The following PXDNL variants were observed in gnomAD, a reference collection of about 807,000 sequenced individuals.
The protein encoded by PXDNL is probable oxidoreductase PXDNL.
PXDNL carries 145 observed loss-of-function variants against 150.8 expected under a neutral mutation model. The observed-to-expected ratio is 0.96, with a 90% CI of 0.84 to 1.10. PXDNL has a LOEUF of 1.10. PXDNL is among the 50% of genes least tolerant of loss of function. PXDNL has a pLI of 0.00. For missense variants in PXDNL, 2,087 were observed against 1,873.9 expected, an observed-to-expected ratio of 1.11 and a Z score of -2.10; for synonymous variants, 757 against 725.7, an observed-to-expected ratio of 1.04 and a Z score of -0.69.
intron 17 of PXDNL, among the ~76,000 whole-genome samples, chr8:51,399,078 G>A (rs568578542): frequency 6.6e-6 from 1 of 152,186 alleles, no homozygotes; most frequent in East Asian, 1.9e-4. Flanking sequence ...CCAACCAGAA[G>A]AACAGACAGG....
Position 51,579,137 on chromosome 8 carries a change from C to A in PXDNL, c.308+13490G>T, listed in dbSNP as rs566221332. On this transcript the variant is annotated intron_variant, in intron 3 of 22. Transcript: ENST00000356297. ...CTTCATCAAAATGAAAACACCTGCT[C>A]TTCAAAAGACCCTGTTAAGAAGACT... is the stretch of plus-strand genomic sequence containing the variant. Among the ~76,000 whole-genome samples, 3 of 152,108 alleles carry A rather than the reference C, an allele frequency of 2.0e-5. No homozygotes were observed. The South Asian group carries it at 6.2e-4, about 32-fold the overall frequency.
chr8:51,569,842 A>C (rs1180274372), intron 3 of PXDNL, among the ~76,000 whole-genome samples: 1 of 152,008 alleles, frequency 6.6e-6, no homozygotes, highest in East Asian at 1.9e-4. Flanking sequence ...TCAGAGATAC[A>C]CGGGCATGAA....
At chr8:51,405,949 T>C (rs1191200385) in intron 17 of PXDNL, among the ~76,000 whole-genome samples, 1 of 152,162 alleles carries the variant, frequency 6.6e-6, no homozygotes. Flanking sequence ...CAATATCCCA[T>C]AGGCATGAAA....
intron 3 of PXDNL, among the ~76,000 whole-genome samples, chr8:51,592,159 A>G (rs1433021390): frequency 1.3e-5 from 2 of 152,158 alleles, no homozygotes; most frequent in Non-Finnish European, 2.9e-5. Context: ...CATATTTGTG[A>G]CCTAATTTTT....
At chr8:51,485,234 C>T (rs1201433544) in intron 5 of PXDNL, among the ~76,000 whole-genome samples, 1 of 152,136 alleles carries the variant, frequency 6.6e-6, no homozygotes, top group Non-Finnish European at 1.5e-5. Context: ...TGATGCACAT[C>T]TGAGAAGATA....
chr8:51,650,991 C>T (rs1233566660), intron 2 of PXDNL, among the ~76,000 whole-genome samples: 1 of 151,928 alleles, frequency 6.6e-6, no homozygotes, highest in Non-Finnish European at 1.5e-5. Context: ...TACAAAAATC[C>T]AAAGGATATA....
At chr8:51,452,057 G>A (rs958152474) in intron 10 of PXDNL, among the ~76,000 whole-genome samples, 2 of 152,186 alleles carry the variant, frequency 1.3e-5, no homozygotes, top group Non-Finnish European at 1.5e-5. Context: ...AGCAATGACT[G>A]ACGCAGATGG....
chr8:51,805,910 G>A (rs927854114), intron 1 of PXDNL, among the ~76,000 whole-genome samples: 4 of 152,170 alleles, frequency 2.6e-5, no homozygotes, highest in African/African-American at 4.8e-5. Flanking sequence ...CACTGCTTCT[G>A]ATTACTGAAC....
rs1418067423 is a variant in PXDNL at position 51,475,054 on chromosome 8, G to C, written c.612C>G (p.Thr204=). 6.2e-7 allele frequency: 1 copy of C among 1,613,694 alleles called. No homozygotes were observed. Among genetic ancestry groups the C allele is most frequent in the Admixed American group, 1.7e-5 (1 of 59,984 alleles). The part of the protein sequence containing the change: ...LLQGFAQHGH[T]QAAATCEYPR... ...GATATTCGCAGGTAGCCGCAGCCTG[G>C]GTGTGGCCGTGTTGGGCAAAGCCTT... The change falls in exon 7 of 23, where the codon ACC becomes ACG. Residue 204 remains threonine (T), a synonymous_variant. Coordinates refer to ENST00000356297, the MANE Select transcript of PXDNL (RefSeq NM_144651.5).
chr8:51,728,177 A>G (rs1311105934), intron 1 of PXDNL, among the ~76,000 whole-genome samples: 2 of 152,186 alleles, frequency 1.3e-5, no homozygotes, highest in African/African-American at 4.8e-5. Context: ...CATTACTCAC[A>G]TGTTTGTGGT....
intron 1 of PXDNL, among the ~76,000 whole-genome samples, chr8:51,765,086 T>G (rs535572231): frequency 6.6e-6 from 1 of 152,302 alleles, no homozygotes; most frequent in Non-Finnish European, 1.5e-5. Context: ...TTGTCTGATA[T>G]TACTACAGCC....
At chr8:51,744,969 AAAG>A (rs1563307843) in intron 1 of PXDNL, among the ~76,000 whole-genome samples, 85,193 of 132,110 alleles carry the variant, frequency 0.64, 29,110 homozygotes, top group East Asian at 0.86. Flanking sequence ...AGAAAGAAAG[AAAG>A]AAAGAAAGAA....
At chr8:51,576,299 C>T (rs1813053241) in intron 3 of PXDNL, among the ~76,000 whole-genome samples, 1 of 150,718 alleles carries the variant, frequency 6.6e-6, no homozygotes, top group Non-Finnish European at 1.5e-5. Context: ...TATAAAGAAT[C>T]CTCAACAATT....
chr8:51,611,339 A>C (rs1487919247), intron 2 of PXDNL, among the ~76,000 whole-genome samples: 1 of 152,246 alleles, frequency 6.6e-6, no homozygotes. Flanking sequence ...TCATGAAAAA[A>C]GAATGTAACT....
chr8:51,571,833 A>G (rs1812950143), intron 3 of PXDNL, among the ~76,000 whole-genome samples: 1 of 151,892 alleles, frequency 6.6e-6, no homozygotes, highest in Non-Finnish European at 1.5e-5. Context: ...TTATAGAAAT[A>G]TTTTGTAAGA....
intron 10 of PXDNL, among the ~76,000 whole-genome samples, chr8:51,449,638 T>A (rs1461687268): frequency 6.6e-6 from 1 of 152,246 alleles, no homozygotes; most frequent in Non-Finnish European, 1.5e-5. Flanking sequence ...AATATTCAGA[T>A]TTTGTATTAT....
rs1300170893 is a variant in PXDNL at position 51,565,317 on chromosome 8, AATAAATAG to A, written c.309-8414_309-8407del. 1.6e-3 allele frequency among the ~76,000 whole-genome samples: 180 copies of A among 110,310 alleles called. 1 individual carries two copies. The highest frequency in any genetic ancestry group is 6.4e-3 in the South Asian group (24 of 3,766). The allele number at this position is 110,310 out of a possible 152,430, so 72.4% of individuals were successfully genotyped here. Reference sequence around the variant, plus strand: ...AAATAAATAAATAAATAAATAAATAAATAAATAGATAGATAGATAGATAGATAAATAAA... The same window carrying A: ...AAATAAATAAATAAATAAATAAATAAATAGATAGATAGATAGATAAATAAA... On this transcript the variant is annotated intron_variant, in intron 3 of 22. Transcript: ENST00000356297.
intron 3 of PXDNL, among the ~76,000 whole-genome samples, chr8:51,559,290 C>A (rs938835419): frequency 2.0e-5 from 3 of 149,372 alleles, no homozygotes; most frequent in Non-Finnish European, 4.4e-5. Context: ...ATGATGAATG[C>A]TGATGTGCTG....
intron 1 of PXDNL, among the ~76,000 whole-genome samples, chr8:51,656,468 T>C (rs564681689): frequency 2.6e-5 from 4 of 152,164 alleles, no homozygotes; most frequent in Non-Finnish European, 5.9e-5. Context: ...ATATAAGACA[T>C]TAAGTTATGT....
Sources: allele counts gnomAD v4.1 joint callset (sites outside exome capture counted in the v4.1 genomes callset), GRCh38; gene constraint gnomAD v4.1.1; transcripts MANE v1.5; gene names NCBI Gene and HGNC (gene_info 2026-07-23, HGNC 2026-07-21).